The following PRSS41 variants were observed in gnomAD, a reference collection of about 807,000 sequenced individuals.
PRSS41 encodes the protein serine protease 41.
PRSS41 carries 37 observed loss-of-function variants against 28.8 expected under a neutral mutation model. The ratio of observed to expected loss-of-function variants is 1.29; its 90% CI spans 0.99 to 1.69. PRSS41 has a LOEUF of 1.69. PRSS41 is among the 40% of genes most tolerant of loss of function. PRSS41 has a pLI of 0.00. For synonymous variants in PRSS41, 195 were observed against 163.1 expected, an observed-to-expected ratio of 1.20 and a Z score of -1.49; for missense variants, 431 against 400.7, an observed-to-expected ratio of 1.08 and a Z score of -0.65.
chr16:2,798,741 C>A, intron 2 of PRSS41, 79 bp downstream of exon 2: 2 of 1,319,738 alleles, frequency 1.5e-6, no homozygotes, highest in Admixed American at 3.2e-5. Flanking sequence ...GCTCTCTGTT[C>A]CAGGTCCCGA....
Position 2,799,144 on chromosome 16 carries a change from G to A in PRSS41, c.257+20G>A, listed in dbSNP as rs1161040959. The A allele has an allele frequency of 4.0e-6, 6 of 1,506,484 alleles. No homozygotes were observed. The African/African-American group carries it at 5.6e-5, about 14-fold the overall frequency. The allele number at this position is 1,506,484 out of a possible 1,614,324, so 93.3% of individuals were successfully genotyped here. On this transcript the variant is annotated intron_variant, in intron 3 of 5. Transcript: ENST00000399677. Reference sequence around the variant, plus strand: ...CCAAAAGTGAGTCTGGGGGGCGGCCGGGGCCTCAGACTTGCTAATGGCCTC... The same window carrying A: ...CCAAAAGTGAGTCTGGGGGGCGGCCAGGGCCTCAGACTTGCTAATGGCCTC...
chr16:2,801,879 G>T (rs1413765259), intron 4 of PRSS41, among the ~76,000 whole-genome samples: 3 of 152,088 alleles, frequency 2.0e-5, no homozygotes, highest in Non-Finnish European at 2.9e-5. Context: ...CGGGGTGGTG[G>T]CCGGGCAGAG....
At chr16:2,799,999 G>A (rs745582436) in intron 4 of PRSS41, among the ~76,000 whole-genome samples, 13 of 152,214 alleles carry the variant, frequency 8.5e-5, no homozygotes, top group Admixed American at 5.2e-4. Flanking sequence ...CTTAATGACC[G>A]GGATATGTTC....
At chr16:2,802,841 C>T (rs970234839) in intron 4 of PRSS41, among the ~76,000 whole-genome samples, 6 of 148,738 alleles carry the variant, frequency 4.0e-5, no homozygotes, top group East Asian at 2.1e-4. Context: ...GCTTCGGCTC[C>T]GCATGAGAGG....
At chr16:2,800,409 CG>C (rs1011173294) in intron 4 of PRSS41, among the ~76,000 whole-genome samples, 7 of 151,704 alleles carry the variant, frequency 4.6e-5, no homozygotes, top group Admixed American at 4.6e-4. Context: ...GGTGTGGGGG[CG>C]GGTGCCTGTA....
intron 3 of PRSS41, 76 bp from the exon 4 acceptor site, chr16:2,799,208 CAG>C: frequency 1.3e-6 from 2 of 1,518,598 alleles, no homozygotes; most frequent in Non-Finnish European, 1.8e-6. Context: ...AGCTTGGCCT[CAG>C]GGACTGGGCC....
chr16:2,798,528 G>T, exon 1 of PRSS41: 1 of 1,529,828 alleles, frequency 6.5e-7, no homozygotes. Context: ...CTGCTGGCTC[G>T]GGCTGGACTC....
chr16:2,805,066 C>T (rs1432621374), exon 6 of PRSS41: 1 of 1,552,312 alleles, frequency 6.4e-7, no homozygotes, highest in Non-Finnish European at 8.7e-7. Context: ...GGGTGATGTC[C>T]CACAGTACAC....
At chr16:2,801,536 ATGACTCTTAACGAGCATGC>A (rs2068986180) in intron 4 of PRSS41, among the ~76,000 whole-genome samples, 1 of 151,566 alleles carries the variant, frequency 6.6e-6, no homozygotes, top group Non-Finnish European at 1.5e-5. Flanking sequence ...GGGATTGGTA[ATGACTCTTAACGAGCATGC>A]TGCCTTCAAG....
At chr16:2,802,764 G>T (rs201453196) in intron 4 of PRSS41, among the ~76,000 whole-genome samples, 4 of 152,138 alleles carry the variant, frequency 2.6e-5, no homozygotes, top group African/African-American at 9.7e-5. Flanking sequence ...GCAGGCACTC[G>T]GCAGGCTGAG....
chr16:2,799,355 G>T, exon 4 of PRSS41: 5 of 1,551,842 alleles, frequency 3.2e-6, no homozygotes, highest in Non-Finnish European at 4.4e-6. Context: ...CTTGGAACCT[G>T]CGGGCCTACA....
At chr16:2,804,539 C>A (rs1246437928) in exon 5 of PRSS41, 1 of 1,550,630 alleles carries the variant, frequency 6.4e-7, no homozygotes, top group South Asian at 1.2e-5. Context: ...AGTGTAGACA[C>A]CTGCAAAGTG....
rs1596308907 is a variant in PRSS41 at position 2,799,010 on chromosome 16, CCG to C, written c.150_151del (p.Gly51AlafsTer75). ...GCGCTGGTGGCGGGCGGAGTGGAGTCCGCGCGCGGGCGCTGGCCATGGCAGGC... is the reference window on the plus strand; with the variant it reads ...GCGCTGGTGGCGGGCGGAGTGGAGTCCGCGCGGGCGCTGGCCATGGCAGGC... On this transcript the variant is annotated frameshift_variant, in exon 3 of 6. Transcript: ENST00000399677. LOFTEE classifies it high-confidence loss of function. The C allele has an allele frequency of 6.5e-7, 1 of 1,528,298 alleles. No individual in the cohort carries two copies. Among genetic ancestry groups the C allele is most frequent in the East Asian group, 2.5e-5 (1 of 40,420 alleles). The allele number at this position is 1,528,298 out of a possible 1,614,324, so 94.7% of individuals were successfully genotyped here. A position where few individuals can be genotyped will look rare whatever the true frequency, so the allele number is the denominator to read the frequency against.
chr16:2,802,011 G>C lies in PRSS41; in HGVS notation c.542-2378G>C, dbSNP rs536208621. On this transcript the variant is annotated intron_variant, in intron 4 of 5. Transcript: ENST00000399677. Reference sequence around the variant, plus strand: ...CCTCCCGGACGGGGCGGCTGGCCGGGCGTGGGGCTGACCCCCCCCACCTCC... The same window carrying C: ...CCTCCCGGACGGGGCGGCTGGCCGGCCGTGGGGCTGACCCCCCCCACCTCC... 5.0e-3 allele frequency among the ~76,000 whole-genome samples: 738 copies of C among 147,346 alleles called. 2 individuals carry two copies. The highest frequency in any genetic ancestry group is 0.015 in the Middle Eastern group (4 of 270).
intron 4 of PRSS41, among the ~76,000 whole-genome samples, chr16:2,800,455 C>CAGGAGGCTGAG (rs1451998497): frequency 2.7e-5 from 4 of 148,808 alleles, no homozygotes; most frequent in Non-Finnish European, 5.9e-5. Flanking sequence ...GCAGGAGAAT[C>CAGGAGGCTGAG]GCTTGAACCC....
intron 4 of PRSS41, among the ~76,000 whole-genome samples, chr16:2,801,017 TG>T (rs1306477642): frequency 6.6e-6 from 1 of 152,182 alleles, no homozygotes; most frequent in Admixed American, 6.5e-5. Flanking sequence ...TTTTGTGGGA[TG>T]TATCAATAAG....
chr16:2,804,832 C>A, intron 5 of PRSS41, 82 bp from the exon 6 acceptor site: 1 of 1,092,468 alleles, frequency 9.2e-7, no homozygotes, highest in South Asian at 1.4e-5. Flanking sequence ...GTCTGCCTAG[C>A]CCCACAGCCC....
At chr16:2,805,304 A>G, downstream of PRSS41, 6 of 607,670 alleles carry the variant, frequency 9.9e-6, no homozygotes, top group Non-Finnish European at 1.7e-5. Context: ...TGCATGTTCA[A>G]GCTGATGCCT....
intron 4 of PRSS41, among the ~76,000 whole-genome samples, chr16:2,803,813 C>A (rs1180760188): frequency 6.6e-6 from 1 of 152,134 alleles, no homozygotes; most frequent in African/African-American, 2.4e-5. Flanking sequence ...ATATAAAATT[C>A]TTGGTTGACT....
Sources: allele counts gnomAD v4.1 joint callset (sites outside exome capture counted in the v4.1 genomes callset), GRCh38; gene constraint gnomAD v4.1.1; transcripts MANE v1.5; gene names NCBI Gene and HGNC (gene_info 2026-07-23, HGNC 2026-07-21).